Variants in NPAS2 observed in about 807,000 individuals in gnomAD.
NPAS2 encodes the protein neuronal PAS domain protein 2.
A neutral mutation model predicts 107.5 loss-of-function variants in NPAS2; 23 were observed. The observed-to-expected ratio is 0.21, with a 90% CI of 0.15 to 0.30. The LOEUF (loss-of-function observed/expected upper bound fraction) is 0.30, where lower values mean the gene tolerates loss of function less well. Among genes scored for constraint, NPAS2 ranks in the 10% least tolerant of loss-of-function variants. The pLI, the probability that NPAS2 is intolerant of heterozygous loss-of-function variation, is 1.00. For missense variants in NPAS2, 756 were observed against 1,043.3 expected (o/e 0.72, Z 3.79); for synonymous variants, 403 against 417.5 (o/e 0.97, Z 0.42).
intron 1 of NPAS2, among the ~76,000 whole-genome samples, chr2:100,849,587 T>C (rs949908600): frequency 3.9e-5 from 6 of 152,200 alleles, no homozygotes; most frequent in African/African-American, 9.6e-5. Context: ...TATAAAATGA[T>C]AGGCATGACT....
chr2:100,855,540 C>T (rs1442201915), intron 1 of NPAS2, among the ~76,000 whole-genome samples: 1 of 152,192 alleles, frequency 6.6e-6, no homozygotes, highest in Non-Finnish European at 1.5e-5. Context: ...GTTTTTACCT[C>T]ATTGTTGACC....
chr2:100,931,775 C>A (rs552898593), intron 3 of NPAS2, among the ~76,000 whole-genome samples: 1 of 152,112 alleles, frequency 6.6e-6, no homozygotes, highest in African/African-American at 2.4e-5. Flanking sequence ...TGAGCCACCG[C>A]GCCCGGCCAT....
intron 1 of NPAS2, among the ~76,000 whole-genome samples, chr2:100,845,127 G>A (rs1004721496): frequency 2.0e-5 from 3 of 152,194 alleles, no homozygotes; most frequent in Non-Finnish European, 4.4e-5. Flanking sequence ...GGGGCCTCCT[G>A]TGTGATCCGT....
chr2:100,871,229 A>C (rs1174298530), intron 1 of NPAS2, among the ~76,000 whole-genome samples: 1 of 152,098 alleles, frequency 6.6e-6, no homozygotes, highest in African/African-American at 2.4e-5. Context: ...TAGCCCATCA[A>C]ACTGAAAATA....
At chr2:100,981,624 G>C (rs543477658) in intron 15 of NPAS2, among the ~76,000 whole-genome samples, 2 of 152,292 alleles carry the variant, frequency 1.3e-5, no homozygotes, top group Non-Finnish European at 1.5e-5. Flanking sequence ...CAAAGACTGG[G>C]TGATTGTTTT....
chr2:100,869,618 G>A (rs1276029261), intron 1 of NPAS2, among the ~76,000 whole-genome samples: 1 of 152,174 alleles, frequency 6.6e-6, no homozygotes, highest in Non-Finnish European at 1.5e-5. Context: ...ATTGAAAAAG[G>A]CATGTTCCCT....
intron 5 of NPAS2, among the ~76,000 whole-genome samples, chr2:100,940,238 G>A (rs1674495207): frequency 1.3e-5 from 2 of 152,184 alleles, no homozygotes; most frequent in African/African-American, 4.8e-5. Flanking sequence ...GCAGTGAGAG[G>A]CACAGTGGGG....
chr2:100,948,808 T>C (rs1438249376), intron 6 of NPAS2, among the ~76,000 whole-genome samples: 1 of 152,218 alleles, frequency 6.6e-6, no homozygotes, highest in Non-Finnish European at 1.5e-5. Flanking sequence ...TTTATATACA[T>C]TTTTGTGTTC....
At chr2:100,884,185 C>G (rs1227392938) in intron 1 of NPAS2, among the ~76,000 whole-genome samples, 1 of 152,028 alleles carries the variant, frequency 6.6e-6, no homozygotes, top group Admixed American at 6.5e-5. Context: ...GTGTGAAACC[C>G]CTATATTTGT....
In NPAS2 at chr2:100,965,860, G is replaced by A. The variant is rs368731620; in HGVS notation, c.907+94G>A. 4.9e-4 allele frequency: 371 copies of A among 763,132 alleles called. No homozygotes were observed. The highest frequency in any genetic ancestry group is 6.6e-4 in the Middle Eastern group (2 of 3,016). The allele number at this position is 763,132 out of a possible 1,614,324, so 47.3% of individuals were successfully genotyped here. A position where few individuals can be genotyped will look rare whatever the true frequency, so the allele number is the denominator to read the frequency against. ...TCTGGGACTCCAGAAGCCTCTGCTC[G>A]TTACCTGGTTTCTTTTTAAGGTGAG... On this transcript the variant is annotated intron_variant, in intron 10 of 20. Transcript: ENST00000335681. This position sits in a 1 kb window ranked among gnomAD's most constrained non-coding sequence, Gnocchi z 4.3.
At chr2:100,891,494 A>G (rs531070795) in intron 1 of NPAS2, among the ~76,000 whole-genome samples, 1 of 152,256 alleles carries the variant, frequency 6.6e-6, no homozygotes, top group South Asian at 2.1e-4. Context: ...AGGGGAGGCA[A>G]TTAACCAGAT....
At position 100,906,651 on chromosome 2, in the gene NPAS2, C is replaced by T. The variant is rs145852448; in HGVS notation, c.32+1865C>T. Among the ~76,000 whole-genome samples, 854 of 152,228 alleles carry T rather than the reference C, an allele frequency of 5.6e-3. 5 individuals are homozygous for T. Among genetic ancestry groups the T allele is most frequent in the African/African-American group, 0.019 (791 of 41,526 alleles). On this transcript the variant is annotated intron_variant, in intron 2 of 20. Transcript: ENST00000335681. ...TGTTGCCTAGGCTGGAGTGTAGTGG[C>T]GCGATCTTGGCTCACTGCAACCTCC...
At chr2:100,844,086 G>C (rs568060120) in intron 1 of NPAS2, among the ~76,000 whole-genome samples, 2 of 152,308 alleles carry the variant, frequency 1.3e-5, no homozygotes, top group South Asian at 4.2e-4. Context: ...AGCTCTCACT[G>C]TCTGCAGGCT....
rs75287064 is a variant in NPAS2 at position 100,889,340 on chromosome 2, C to T, written c.-22-15393C>T. Among the ~76,000 whole-genome samples, 1,214 of 152,330 alleles carry T rather than the reference C, an allele frequency of 8.0e-3. 17 individuals are homozygous for T. Among genetic ancestry groups the T allele is most frequent in the African/African-American group, 0.027 (1,127 of 41,574 alleles). ...GCCCCTCACTAGGGAGAGCTGTAAG[C>T]TCTTGGGAAGGGCTTGCCACGGGGC... On this transcript the variant is annotated intron_variant, in intron 1 of 20. Coordinates refer to ENST00000335681, the MANE Select transcript of NPAS2 (RefSeq NM_002518.4).
At chr2:100,866,396 C>T (rs1679258433) in intron 1 of NPAS2, among the ~76,000 whole-genome samples, 1 of 152,220 alleles carries the variant, frequency 6.6e-6, no homozygotes. Flanking sequence ...CTTTTCCCAG[C>T]AGGCTTTGCT....
At chr2:100,897,426 AC>A (rs1390348630) in intron 1 of NPAS2, among the ~76,000 whole-genome samples, 1 of 152,144 alleles carries the variant, frequency 6.6e-6, no homozygotes, top group Non-Finnish European at 1.5e-5. Context: ...GGTGTCTGTC[AC>A]TCATGTTCAA....
chr2:100,821,071 C>G, intron 1 of NPAS2: 3 of 1,304,248 alleles, frequency 2.3e-6, no homozygotes, highest in Non-Finnish European at 3.0e-6. Flanking sequence ...CTTTCCCAGC[C>G]GAGGAGGGAC....
chr2:100,865,042 C>G (rs1426120070), intron 1 of NPAS2, among the ~76,000 whole-genome samples: 1 of 152,154 alleles, frequency 6.6e-6, no homozygotes, highest in Non-Finnish European at 1.5e-5. Flanking sequence ...CCAGTGTCCT[C>G]TGGGAAACTC....
chr2:100,852,902 A>C (rs1228300226), intron 1 of NPAS2, among the ~76,000 whole-genome samples: 3 of 152,190 alleles, frequency 2.0e-5, no homozygotes, highest in Non-Finnish European at 4.4e-5. Context: ...TAAAAGACAA[A>C]AAAACCCGCT....
Sources: gnomAD v4.1 joint callset for allele counts (sites outside exome capture counted in the v4.1 genomes callset) on GRCh38, gnomAD v4.1.1 for gene constraint, Gnocchi (gnomAD v3.1) non-coding constraint, MANE v1.5 for transcripts, NCBI Gene and HGNC (gene_info 2026-07-23, HGNC 2026-07-21) for gene names.